The following KALRN variants were observed in gnomAD, a reference collection of about 807,000 sequenced individuals.
KALRN encodes kalirin RhoGEF kinase.
A neutral mutation model predicts 353.7 loss-of-function variants in KALRN; 70 were observed. That is an observed-to-expected ratio of 0.20 (90% CI 0.16 to 0.24). KALRN has a LOEUF of 0.24. Among genes scored for constraint, KALRN ranks in the 10% least tolerant of loss-of-function variants. The pLI is 1.00. For missense variants in KALRN, 2,791 were observed against 3,756.7 expected (o/e 0.74, Z 6.72); for synonymous variants, 1,391 against 1,434.8 (o/e 0.97, Z 0.69).
chr3:124,364,314 GAA>G (rs1413006130), intron 10 of KALRN, among the ~76,000 whole-genome samples: 1 of 152,214 alleles, frequency 6.6e-6, no homozygotes, highest in African/African-American at 2.4e-5. Context: ...AAGAGTTTCA[GAA>G]AATTAGCTGA....
At chr3:124,362,178 G>A (rs149562502) in intron 10 of KALRN, among the ~76,000 whole-genome samples, 43 of 152,248 alleles carry the variant, frequency 2.8e-4, no homozygotes, top group African/African-American at 9.1e-4. Context: ...AGGGCTTCAG[G>A]CAGTATATTA....
rs61359186 is a variant in KALRN at position 124,347,274 on chromosome 3, CTGTGTGTGTGTGTGTGTGTGTG to C, written c.1770+35_1770+56del. ...TTGAAGAGGTGGCTCAGGTGAGAAGCTGTGTGTGTGTGTGTGTGTGTGTGTGTGTGTGTGTGTGTGTGTGTGT... is the reference window on the plus strand; with the variant it reads ...TTGAAGAGGTGGCTCAGGTGAGAAGCTGTGTGTGTGTGTGTGTGTGTGTGT... On this transcript the variant is annotated intron_variant, in intron 10 of 59. Transcript: ENST00000682506. 1.1e-5 allele frequency: 13 copies of C among 1,153,832 alleles called. No homozygotes were observed. The East Asian group carries it at 1.3e-4, about 12-fold the overall frequency. The allele number at this position is 1,153,832 out of a possible 1,614,324, so 71.5% of individuals were successfully genotyped here. A position where few individuals can be genotyped will look rare whatever the true frequency, so the allele number is the denominator to read the frequency against.
chr3:124,665,701 G>A (rs964079768), intron 45 of KALRN, among the ~76,000 whole-genome samples: 1 of 152,178 alleles, frequency 6.6e-6, no homozygotes, highest in Non-Finnish European at 1.5e-5. Context: ...CTGACCTCAG[G>A]TAATCCGCCT....
chr3:124,419,680 G>A (rs2092688687), intron 14 of KALRN, among the ~76,000 whole-genome samples: 1 of 152,178 alleles, frequency 6.6e-6, no homozygotes, highest in African/African-American at 2.4e-5. Context: ...ACATAGATAA[G>A]TTAATAAGGA....
chr3:124,076,369 A>AG (rs551577412), intron 1 of KALRN, among the ~76,000 whole-genome samples: 15 of 152,148 alleles, frequency 9.9e-5, no homozygotes, highest in Non-Finnish European at 1.8e-4. Context: ...GTTAAATTAG[A>AG]GTGGCTGGGG....
chr3:124,223,098 G>C (rs6764582), intron 1 of KALRN, among the ~76,000 whole-genome samples: 2 of 149,024 alleles, frequency 1.3e-5, no homozygotes, highest in East Asian at 4.0e-4. Context: ...GTGGTGTCCT[G>C]TCTCTGATAA....
intron 10 of KALRN, among the ~76,000 whole-genome samples, chr3:124,379,333 T>C (rs2087004136): frequency 6.6e-6 from 1 of 152,194 alleles, no homozygotes; most frequent in Admixed American, 6.5e-5. Flanking sequence ...ATTTCAGCTC[T>C]GGGTCAGTTT....
At chr3:124,205,599 G>A (rs977603724) in intron 1 of KALRN, among the ~76,000 whole-genome samples, 5 of 152,200 alleles carry the variant, frequency 3.3e-5, no homozygotes, top group African/African-American at 1.2e-4. Context: ...TAGAGACACA[G>A]AGTAGAAGAT....
intron 47 of KALRN, among the ~76,000 whole-genome samples, chr3:124,670,821 G>T (rs2086325754): frequency 6.6e-6 from 1 of 152,118 alleles, no homozygotes; most frequent in African/African-American, 2.4e-5. Context: ...ATAAAACAAA[G>T]CTCCAGTCTT....
chr3:124,390,570 C>T lies in KALRN; in HGVS notation c.1963-4565C>T, dbSNP rs535662755. Among the ~76,000 whole-genome samples the T allele has an allele frequency of 4.0e-4, 61 of 152,272 alleles. No individual in the cohort carries two copies. In the South Asian group the frequency reaches 4.8e-3, roughly 12 times the overall value. ...CTATTTTACTTGCTGTACTGTTGTA[C>T]TGTTTATTTAAGAAACAAGCTGGTG... On this transcript the variant is annotated intron_variant, in intron 11 of 59. Coordinates refer to ENST00000682506, the MANE Select transcript of KALRN (RefSeq NM_001388419.1).
chr3:124,298,806 A>C lies in KALRN; in HGVS notation c.985A>C (p.Ser329Arg), dbSNP rs754157855. The change falls in exon 6 of 60, where the codon AGC (serine) becomes CGC (arginine). Residue 329 changes from serine to arginine, a missense_variant. Coordinates refer to ENST00000682506, the MANE Select transcript of KALRN (RefSeq NM_001388419.1). ...QDAEKMFDWI[S>R]HNKELFLQSH... ...TCCTCTCTAGATGTTTGACTGGATAAGCCACAACAAGGAGTTATTCCTCCA... is the reference window on the plus strand; with the variant it reads ...TCCTCTCTAGATGTTTGACTGGATACGCCACAACAAGGAGTTATTCCTCCA... The C allele has an allele frequency of 6.2e-7, 1 of 1,614,192 alleles. No individual in the cohort carries two copies. Among genetic ancestry groups the C allele is most frequent in the Non-Finnish European group, 8.5e-7 (1 of 1,180,020 alleles).
intron 1 of KALRN, among the ~76,000 whole-genome samples, chr3:124,184,658 G>A (rs970215948): frequency 8.5e-5 from 13 of 152,170 alleles, no homozygotes; most frequent in Non-Finnish European, 1.9e-4. Flanking sequence ...ATTGTGTGAT[G>A]TAGATCTAAA....
chr3:124,428,963 C>T (rs151068646), intron 15 of KALRN, among the ~76,000 whole-genome samples: 167 of 152,292 alleles, frequency 1.1e-3, no homozygotes, highest in African/African-American at 4.0e-3. Flanking sequence ...TCAGACCAAA[C>T]AAAATGCAGT....
rs561349448 is a variant in KALRN at position 124,661,821 on chromosome 3, C to A, written c.6268-30C>A. 1.8e-5 allele frequency: 28 copies of A among 1,572,670 alleles called. No homozygotes were observed. In the South Asian group the frequency reaches 2.2e-4, roughly 12 times the overall value. On this transcript the variant is annotated intron_variant, in intron 44 of 59. Coordinates refer to ENST00000682506, the MANE Select transcript of KALRN (RefSeq NM_001388419.1). ...GCTTCCTGCCTGAGTGCTGTTCCCC[C>A]TCCTGAGTAACAGTTGTTCTTTCCC...
At chr3:124,218,866 G>A (rs956580786) in intron 1 of KALRN, among the ~76,000 whole-genome samples, 2 of 152,224 alleles carry the variant, frequency 1.3e-5, no homozygotes, top group African/African-American at 4.8e-5. Flanking sequence ...CTAATTATTA[G>A]TGATCTTTAA....
At chr3:124,413,757 A>AT (rs1327484682) in intron 14 of KALRN, 92 bp downstream of exon 14, 1 of 982,770 alleles carries the variant, frequency 1.0e-6, no homozygotes, top group Non-Finnish European at 1.5e-6. Flanking sequence ...TCGTTTATTC[A>AT]TTTTATTCCT....
At chr3:124,229,381 T>C (rs991598026) in intron 2 of KALRN, among the ~76,000 whole-genome samples, 2 of 152,222 alleles carry the variant, frequency 1.3e-5, no homozygotes, top group African/African-American at 4.8e-5. Flanking sequence ...TCTGGTAGGG[T>C]CTGAGGCAGA....
At chr3:124,206,118 G>A (rs1237270763) in intron 1 of KALRN, among the ~76,000 whole-genome samples, 1 of 152,178 alleles carries the variant, frequency 6.6e-6, no homozygotes, top group Non-Finnish European at 1.5e-5. Context: ...TAGGTTGATG[G>A]CTGTAATAAC....
At chr3:124,666,951 T>A in intron 46 of KALRN, 61 bp from the exon 47 acceptor site, 1 of 1,504,012 alleles carries the variant, frequency 6.6e-7, no homozygotes. Context: ...GGAAGAGTAA[T>A]ATGTTGCTGA....
Sources: allele counts gnomAD v4.1 joint callset (sites outside exome capture counted in the v4.1 genomes callset), GRCh38; gene constraint gnomAD v4.1.1; transcripts MANE v1.5; gene names NCBI Gene and HGNC (gene_info 2026-07-23, HGNC 2026-07-21).